Variants in FBN3 observed in about 807,000 individuals in gnomAD.
The protein encoded by FBN3 is fibrillin-3.
FBN3 carries 234 observed loss-of-function variants against 330.1 expected under a neutral mutation model. The ratio of observed to expected loss-of-function variants is 0.71; its 90% confidence interval spans 0.64 to 0.79. The LOEUF (loss-of-function observed/expected upper bound fraction) is 0.79. Among genes scored for constraint, FBN3 ranks in the 30% least tolerant of loss-of-function variants. FBN3 has a pLI of 0.00. For synonymous variants in FBN3, 1,458 were observed against 1,517.3 expected (o/e 0.96, Z 0.91); for missense variants, 3,606 against 3,886.9 (o/e 0.93, Z 1.92).
In FBN3 at chr19:8,091,540, T is replaced by A. The variant is rs1599316361; in HGVS notation, c.5956A>T (p.Thr1986Ser). The change falls in exon 48 of 64, where the codon ACC becomes TCC. Residue 1986 changes from threonine to serine, a missense_variant. Coordinates refer to ENST00000600128, the MANE Select transcript of FBN3 (RefSeq NM_032447.5). ...CACTGGAAGCTCCCAGGGCTGTTGG[T>A]ACAGGTGCCAAAGAGGCAGAGGTTG... ...EPNLCLFGTCTNSPGSFQCLC... is the reference protein window; with the variant it reads ...EPNLCLFGTCSNSPGSFQCLC... 3.1e-6 allele frequency: 5 copies of A among 1,614,128 alleles called. No individual in the cohort carries two copies. The highest frequency in any genetic ancestry group is 4.2e-6 in the Non-Finnish European group (5 of 1,180,014).
At position 8,117,203 on chromosome 19, in the gene FBN3, GC is replaced by G; in HGVS notation, c.3551del (p.Gly1184AlafsTer4). The stretch of plus-strand genomic sequence containing the variant: ...CCCTTCCGTCGGGCATCAGCGAGTA[GC>G]CCTGCCCACAGCTGCACCGGTAGCT... ...EGSYRCSCGQ[G>X]YSLMPDGRAC... On this transcript the variant is annotated frameshift_variant, in exon 28 of 64. Transcript: ENST00000600128. LOFTEE classifies it high-confidence loss of function. 1.2e-6 allele frequency: 2 copies of G among 1,614,070 alleles called. No individual in the cohort carries two copies. Among genetic ancestry groups the G allele is most frequent in the Non-Finnish European group, 1.7e-6 (2 of 1,179,982 alleles).
chr19:8,107,555 G>A (rs2082472992), intron 37 of FBN3, among the ~76,000 whole-genome samples: 1 of 151,294 alleles, frequency 6.6e-6, no homozygotes, highest in Admixed American at 6.6e-5. Flanking sequence ...ATGGTCGGGT[G>A]GAAGGATGGA....
intron 63 of FBN3, among the ~76,000 whole-genome samples, chr19:8,071,005 A>G (rs550691481): frequency 1.3e-5 from 2 of 150,222 alleles, no homozygotes; most frequent in East Asian, 3.9e-4. Flanking sequence ...CTGGGCAACA[A>G]GAGTGAGACT....
At chr19:8,092,416 C>A (rs2082116781) in intron 47 of FBN3, among the ~76,000 whole-genome samples, 1 of 151,740 alleles carries the variant, frequency 6.6e-6, no homozygotes, top group East Asian at 2.0e-4. Flanking sequence ...TACTACTCAG[C>A]CACAAAATGG....
intron 59 of FBN3, among the ~76,000 whole-genome samples, chr19:8,077,213 C>T (rs1486406327): frequency 2.0e-5 from 3 of 152,164 alleles, no homozygotes; most frequent in Non-Finnish European, 4.4e-5. Context: ...ATGGTGGGAG[C>T]CCATGGCTGG....
intron 59 of FBN3, among the ~76,000 whole-genome samples, chr19:8,078,938 C>T (rs1242840718): frequency 1.3e-5 from 2 of 151,914 alleles, no homozygotes; most frequent in African/African-American, 2.4e-5. Context: ...GGTGTCACCA[C>T]CTCTAGCTAA....
At chr19:8,087,546 T>C (rs768143779) in intron 53 of FBN3, among the ~76,000 whole-genome samples, 1 of 151,588 alleles carries the variant, frequency 6.6e-6, no homozygotes, top group Non-Finnish European at 1.5e-5. Context: ...CTATGAACAT[T>C]TGGGATAGGA....
chr19:8,143,319 C>G (rs2083455652), intron 6 of FBN3, among the ~76,000 whole-genome samples: 1 of 152,056 alleles, frequency 6.6e-6, no homozygotes, highest in Non-Finnish European at 1.5e-5. Context: ...GTCCCTCGGC[C>G]AACACTGAGC....
At chr19:8,083,649 A>G (rs893989409) in intron 56 of FBN3, among the ~76,000 whole-genome samples, 1 of 151,122 alleles carries the variant, frequency 6.6e-6, no homozygotes, top group African/African-American at 2.4e-5. Flanking sequence ...CAACATGCAG[A>G]ACAGAGACAC....
At chr19:8,100,834 G>T (rs1200811733) in intron 41 of FBN3, 67 bp downstream of exon 41, 1 of 1,242,476 alleles carries the variant, frequency 8.0e-7, no homozygotes, top group Non-Finnish European at 1.2e-6. Context: ...TTGAGGAGGG[G>T]AGGGGTGGGA....
chr19:8,099,836 C>A (rs1378096829), intron 41 of FBN3, among the ~76,000 whole-genome samples: 1 of 151,570 alleles, frequency 6.6e-6, no homozygotes, highest in African/African-American at 2.4e-5. Context: ...CATGGTGAAA[C>A]CCTGCCTCTA....
chr19:8,144,757 A>C (rs1489928557), intron 6 of FBN3, 120 bp downstream of exon 6: 2 of 707,946 alleles, frequency 2.8e-6, no homozygotes, highest in Non-Finnish European at 4.8e-6. Flanking sequence ...GACTGCCCCA[A>C]ATGCGGGAAG....
intron 62 of FBN3, 57 bp downstream of exon 62, chr19:8,073,006 T>TGTGAGTGA: frequency 2.1e-6 from 2 of 964,454 alleles, no homozygotes; most frequent in Non-Finnish European, 3.2e-6. Flanking sequence ...TGTGTGTGCG[T>TGTGAGTGA]GCGTGCATGG....
intron 53 of FBN3, 57 bp from the exon 54 acceptor site, chr19:8,087,268 G>C: frequency 6.7e-7 from 1 of 1,497,638 alleles, no homozygotes; most frequent in Non-Finnish European, 8.9e-7. Flanking sequence ...TGGCTGTGGG[G>C]ACCTGGATTC....
Position 8,121,290 on chromosome 19 carries a change from T to C in FBN3, c.3179A>G (p.Glu1060Gly). 1 of 1,612,288 alleles carries C rather than the reference T, an allele frequency of 6.2e-7. No homozygotes were observed. The highest frequency in any genetic ancestry group is 8.5e-7 in the Non-Finnish European group (1 of 1,179,004). The change falls in exon 25 of 64, where the codon GAG becomes GGG. Residue 1060 changes from glutamate (E) to glycine (G), a missense_variant. Glu to Gly is a moderately conservative substitution (Grantham distance 98). Coordinates refer to ENST00000600128, the MANE Select transcript of FBN3 (RefSeq NM_032447.5). This position sits in a 1 kb window ranked among gnomAD's most constrained non-coding sequence, Gnocchi z 4.5. ...SFECECFPGY[E>G]SGFMLMKNCM... The stretch of plus-strand genomic sequence containing the variant: ...GTTCTTCATCAGCATGAAGCCACTC[T>C]CGTAGCCGGGAAAACACTCGCACTC...
Position 8,126,695 on chromosome 19 carries a change from G to T in FBN3, c.2416+18C>A. On this transcript the variant is annotated intron_variant, in intron 19 of 63. Coordinates refer to ENST00000600128, the MANE Select transcript of FBN3 (RefSeq NM_032447.5). ...ACGCCCAGCCTCTGGAACGCCGTCG[G>T]GCTCCGGGGCCGCTCACCTAGACAG... The T allele has an allele frequency of 1.3e-6, 2 of 1,581,640 alleles. No homozygotes were observed. Among genetic ancestry groups the T allele is most frequent in the African/African-American group, 1.3e-5 (1 of 74,318 alleles).
At chr19:8,100,778 CGAG>C in intron 41 of FBN3, 120 bp downstream of exon 41, 1 of 725,682 alleles carries the variant, frequency 1.4e-6, no homozygotes, top group Non-Finnish European at 2.4e-6. Context: ...GTGTGTGGAG[CGAG>C]GAGGAGGGGA....
intron 56 of FBN3, 21 bp downstream of exon 56, chr19:8,085,342 C>A (rs1599294987): frequency 6.4e-7 from 1 of 1,553,280 alleles, no homozygotes; most frequent in Non-Finnish European, 8.7e-7. Context: ...CCCTGGGGGT[C>A]CTGAGGGCAT....
intron 61 of FBN3, among the ~76,000 whole-genome samples, chr19:8,074,259 C>T (rs1027254463): frequency 6.6e-6 from 1 of 151,998 alleles, no homozygotes; most frequent in African/African-American, 2.4e-5. Flanking sequence ...GTGGGATCCC[C>T]AAGATCCCCA....
Sources: gnomAD v4.1 joint callset for allele counts (sites outside exome capture counted in the v4.1 genomes callset) on GRCh38, gnomAD v4.1.1 for gene constraint, Gnocchi (gnomAD v3.1) non-coding constraint, MANE v1.5 for transcripts, NCBI Gene and HGNC (gene_info 2026-07-23, HGNC 2026-07-21) for gene names.